Variants in MFAP2 observed in about 807,000 individuals in gnomAD.
The protein encoded by MFAP2 is microfibrillar-associated protein 2.
Under a neutral mutation model 30.6 loss-of-function variants are expected in MFAP2, and 23 were observed. The ratio of observed to expected loss-of-function variants is 0.75; its 90% confidence interval spans 0.54 to 1.07. The LOEUF (loss-of-function observed/expected upper bound fraction) is 1.07, where lower values mean the gene tolerates loss of function less well. MFAP2 is among the 50% of genes least tolerant of loss of function. The pLI, the probability that MFAP2 is intolerant of heterozygous loss-of-function variation, is 0.00. For synonymous variants in MFAP2, 73 were observed against 85.7 expected (o/e 0.85, Z 0.82); for missense variants, 198 against 223.8 (o/e 0.88, Z 0.74).
rs1028123815 is a variant in MFAP2, at chr1:16,976,084, G to A, written c.287-354C>T. On this transcript the variant is annotated intron_variant, in intron 6 of 8. Transcript: ENST00000375535. The surrounding 1 kb of genome is among the most constrained non-coding windows in gnomAD (Gnocchi z 5.5). ...CCAACCCACACGAGAGTGAGCACAC[G>A]GATTCTCCTGCACACACACACCTTG... is the stretch of plus-strand genomic sequence containing the variant. The A allele has an allele frequency of 2.0e-5, 9 of 458,858 alleles. No homozygotes were observed. Among genetic ancestry groups the A allele is most frequent in the Admixed American group, 3.7e-5 (1 of 27,062 alleles). 28.4% of individuals were successfully genotyped at this position (458,858 alleles called of 1,614,324 possible).
rs1250779693 is a variant in MFAP2 at position 16,975,496 on chromosome 1, G to T, written c.374+147C>A. The T allele has an allele frequency of 8.3e-7, 1 of 1,211,584 alleles. No homozygotes were observed. The highest frequency in any genetic ancestry group is 1.2e-6 in the Non-Finnish European group (1 of 835,294). 75.1% of individuals were successfully genotyped at this position (1,211,584 alleles called of 1,614,324 possible). A position where few individuals can be genotyped will look rare whatever the true frequency, so the allele number is the denominator to read the frequency against. ...GAGCCCAGGAGTGGAGGAGGTCCCTGGCCCAGGCTCAACCACAGAACTGAG... is the reference window on the plus strand; with the variant it reads ...GAGCCCAGGAGTGGAGGAGGTCCCTTGCCCAGGCTCAACCACAGAACTGAG... On this transcript the variant is annotated intron_variant, in intron 7 of 8. Transcript: ENST00000375535. The surrounding 1 kb of genome is among the most constrained non-coding windows in gnomAD (Gnocchi z 5.0).
At position 16,976,754 on chromosome 1, in the gene MFAP2, C is replaced by A; in HGVS notation, c.195G>T (p.Gln65His). ...PRPSEEQFQFQSQQQVQQEVI... is the reference protein window; with the variant it reads ...PRPSEEQFQFHSQQQVQQEVI... ...CTTCCTGTTGGACTTGCTGCTGGGA[C>A]TGGAACTGGAACTGTTCCTCGGAGG... Residue 65 changes from glutamine (Q) to histidine (H), a missense_variant, in exon 5 of 9, where the codon CAG (glutamine) becomes CAT (histidine). Coordinates refer to ENST00000375535, the MANE Select transcript of MFAP2 (RefSeq NM_002403.4). This position sits in a 1 kb window ranked among gnomAD's most constrained non-coding sequence, Gnocchi z 5.5. 1 of 1,613,920 alleles carries A rather than the reference C, an allele frequency of 6.2e-7. No homozygotes were observed. Among genetic ancestry groups the A allele is most frequent in the South Asian group, 1.1e-5 (1 of 91,074 alleles).
Position 16,974,748 on chromosome 1 carries a change from A to G in MFAP2, c.*172T>C. On this transcript the variant is annotated 3_prime_UTR_variant, in exon 9 of 9. Transcript: ENST00000375535. The stretch of plus-strand genomic sequence containing the variant: ...CCCCCATTGTGCCCCAGAGGTGGCC[A>G]CAGGCTGAAGGAGGGGCCTGAGGCA... The G allele has an allele frequency of 9.6e-6, 3 of 311,462 alleles. No individual in the cohort carries two copies. The highest frequency in any genetic ancestry group is 6.6e-5 in the South Asian group (2 of 30,368). The allele number at this position is 311,462 out of a possible 1,614,324, so 19.3% of individuals were successfully genotyped here.
upstream of MFAP2, chr1:16,980,684 C>G (rs1024694093): frequency 1.3e-5 from 2 of 152,156 alleles, no homozygotes; most frequent in Non-Finnish European, 2.9e-5. Flanking sequence ...GGGGCTGGCG[C>G]CCGCCCTCCA....
chr1:16,979,842 G>A (rs533787501), intron 1 of MFAP2, among the ~76,000 whole-genome samples: 1 of 152,316 alleles, frequency 6.6e-6, no homozygotes, highest in South Asian at 2.1e-4. Flanking sequence ...CGGGCTAGCG[G>A]GGAGGCAGGA....
Position 16,975,347 on chromosome 1 carries a change from G to C in MFAP2, c.375-5C>G. On this transcript the variant is annotated splice_polypyrimidine_tract_variant and splice_region_variant and intron_variant, in intron 7 of 8. Coordinates refer to ENST00000375535, the MANE Select transcript of MFAP2 (RefSeq NM_002403.4). The surrounding 1 kb of genome is among the most constrained non-coding windows in gnomAD (Gnocchi z 5.0). The stretch of plus-strand genomic sequence containing the variant: ...ATGACGTACACACGGCGGAGGCTGC[G>C]GGGACAGGGCACGGGAGGTCTCAGC... 6.2e-7 allele frequency: 1 copy of C among 1,613,518 alleles called. No individual in the cohort carries two copies. The highest frequency in any genetic ancestry group is 8.5e-7 in the Non-Finnish European group (1 of 1,179,688).
chr1:16,975,824 T>C lies in MFAP2; in HGVS notation c.287-94A>G, dbSNP rs1283643012. The C allele has an allele frequency of 4.7e-6, 5 of 1,057,798 alleles. No individual in the cohort carries two copies. In the African/African-American group the frequency reaches 4.8e-5, roughly 10 times the overall value. The allele number at this position is 1,057,798 out of a possible 1,614,324, so 65.5% of individuals were successfully genotyped here. A position where few individuals can be genotyped will look rare whatever the true frequency, so the allele number is the denominator to read the frequency against. On this transcript the variant is annotated intron_variant, in intron 6 of 8. Coordinates refer to ENST00000375535, the MANE Select transcript of MFAP2 (RefSeq NM_002403.4). The surrounding 1 kb of genome is among the most constrained non-coding windows in gnomAD (Gnocchi z 5.0). ...CTGGCTCACAGGGCCTAGTCCCCCC[T>C]GTACCTTCAGGCCCCGTGCAGACAC...
chr1:16,977,438 C>G (rs998642990), intron 2 of MFAP2: 3 of 523,422 alleles, frequency 5.7e-6, no homozygotes, highest in African/African-American at 5.7e-5. Context: ...CTGGCTGCTC[C>G]TAGGACTCCA....
Position 16,976,369 on chromosome 1 carries a change from G to T in MFAP2, c.286+132C>A. ...GGCCTGGTGATGCCAGCCTACGGCA[G>T]TCATACTGCCCACACTGCCAAGAGC... On this transcript the variant is annotated intron_variant, in intron 6 of 8. Transcript: ENST00000375535. This position sits in a 1 kb window ranked among gnomAD's most constrained non-coding sequence, Gnocchi z 5.5. 1 of 1,189,746 alleles carries T rather than the reference G, an allele frequency of 8.4e-7. No homozygotes were observed. The highest frequency in any genetic ancestry group is 1.2e-6 in the Non-Finnish European group (1 of 803,622). 73.7% of individuals were successfully genotyped at this position (1,189,746 alleles called of 1,614,324 possible). A position where few individuals can be genotyped will look rare whatever the true frequency, so the allele number is the denominator to read the frequency against.
Position 16,975,880 on chromosome 1 carries a change from G to A in MFAP2, c.287-150C>T, listed in dbSNP as rs951193969. 4.9e-5 allele frequency: 31 copies of A among 635,478 alleles called. No homozygotes were observed. The Admixed American group carries it at 5.6e-4, about 12-fold the overall frequency. The allele number at this position is 635,478 out of a possible 1,614,324, so 39.4% of individuals were successfully genotyped here. On this transcript the variant is annotated intron_variant, in intron 6 of 8. Coordinates refer to ENST00000375535, the MANE Select transcript of MFAP2 (RefSeq NM_002403.4). This position sits in a 1 kb window ranked among gnomAD's most constrained non-coding sequence, Gnocchi z 5.0. ...CCTACACATGCCCACATAGACCCAC[G>A]CAGCATTGTCAGACTTCCCAGGGCT...
At chr1:16,977,642 A>C in intron 2 of MFAP2, 1 of 175,838 alleles carries the variant, frequency 5.7e-6, no homozygotes, top group Admixed American at 5.7e-5. Context: ...CTTGTTTCCT[A>C]TTTGTCTCCC....
At chr1:16,978,088 T>A (rs2076607842) in intron 2 of MFAP2, 149 bp downstream of exon 2, 1 of 827,716 alleles carries the variant, frequency 1.2e-6, no homozygotes, top group Non-Finnish European at 1.9e-6. Context: ...TGGTCCAGTC[T>A]GTGGTCCAAG....
rs1271610374 is a variant in MFAP2, at chr1:16,975,195, GGTGGGTGGCTAGGT to G, written c.448+60_448+73del. The G allele has an allele frequency of 1.4e-6, 2 of 1,428,748 alleles. No individual in the cohort carries two copies. Among genetic ancestry groups the G allele is most frequent in the Admixed American group, 3.5e-5 (2 of 56,822 alleles). 88.5% of individuals were successfully genotyped at this position (1,428,748 alleles called of 1,614,324 possible). A position where few individuals can be genotyped will look rare whatever the true frequency, so the allele number is the denominator to read the frequency against. ...GATAATATGTGTTGAATAAACATCA[GGTGGGTGGCTAGGT>G]GGCCAGATAATGATGCGGGTGTGGG... On this transcript the variant is annotated intron_variant, in intron 8 of 8. Coordinates refer to ENST00000375535, the MANE Select transcript of MFAP2 (RefSeq NM_002403.4). This position sits in a 1 kb window ranked among gnomAD's most constrained non-coding sequence, Gnocchi z 5.0.
chr1:16,975,562 T>C lies in MFAP2; in HGVS notation c.374+81A>G. The C allele has an allele frequency of 6.9e-7, 1 of 1,450,942 alleles. No individual in the cohort carries two copies. Among genetic ancestry groups the C allele is most frequent in the East Asian group, 2.3e-5 (1 of 42,786 alleles). The allele number at this position is 1,450,942 out of a possible 1,614,324, so 89.9% of individuals were successfully genotyped here. On this transcript the variant is annotated intron_variant, in intron 7 of 8. Transcript: ENST00000375535. The surrounding 1 kb of genome is among the most constrained non-coding windows in gnomAD (Gnocchi z 5.0). ...CACTATCTTTCCTCCAACTCCCACC[T>C]TGGCGGGCCAGAGCTGTCCCCTGTG... is the stretch of plus-strand genomic sequence containing the variant.
In MFAP2 at chr1:16,975,399, T is replaced by TAGCCCAGACAGAACCTGGCACGGG; in HGVS notation, c.375-81_375-58dup. 1.3e-6 allele frequency: 2 copies of TAGCCCAGACAGAACCTGGCACGGG among 1,581,202 alleles called. No individual in the cohort carries two copies. Among genetic ancestry groups the TAGCCCAGACAGAACCTGGCACGGG allele is most frequent in the Non-Finnish European group, 1.7e-6 (2 of 1,156,032 alleles). The stretch of plus-strand genomic sequence containing the variant: ...CCACTTCCACCCAATCCCACTGGGA[T>TAGCCCAGACAGAACCTGGCACGGG]AGCCCAGACAGAACCTGGCACGGGA... On this transcript the variant is annotated intron_variant, in intron 7 of 8. Coordinates refer to ENST00000375535, the MANE Select transcript of MFAP2 (RefSeq NM_002403.4). This position sits in a 1 kb window ranked among gnomAD's most constrained non-coding sequence, Gnocchi z 5.0.
At chr1:16,978,361 ACAGCAGAGCTCACCTTTGATC>A in intron 1 of MFAP2, 47 bp from the exon 2 acceptor site, 1 of 1,452,544 alleles carries the variant, frequency 6.9e-7, no homozygotes, top group Non-Finnish European at 9.4e-7. Context: ...CACACCCAGG[ACAGCAGAGCTCACCTTTGATC>A]CCCTGATTTC....
intron 2 of MFAP2, 111 bp downstream of exon 2, chr1:16,978,126 G>A: frequency 8.1e-7 from 1 of 1,227,500 alleles, no homozygotes; most frequent in South Asian, 1.5e-5. Flanking sequence ...GAGCTGGGGA[G>A]CTGAGTTCTG....
In MFAP2 at chr1:16,977,252, C is replaced by T. The variant is rs146470513; in HGVS notation, c.38-54G>A. On this transcript the variant is annotated intron_variant, in intron 2 of 8. Transcript: ENST00000375535. ...CCCATCGGGAGGGGCAACGGGGGCC[C>T]GAGGCGCTTCTGGAGAGTGGAGGCG... 42 of 1,571,864 alleles carry T rather than the reference C, an allele frequency of 2.7e-5. 1 individual carries two copies. The South Asian group carries it at 3.3e-4, about 12-fold the overall frequency.
intron 3 of MFAP2, 23 bp downstream of exon 3, chr1:16,977,086 C>G (rs200848686): frequency 3.5e-4 from 565 of 1,613,700 alleles, no homozygotes; most frequent in Middle Eastern, 3.3e-4. Context: ...AGCCAGGCCT[C>G]GGTGACCCGG....
Sources: allele counts gnomAD v4.1 joint callset (sites outside exome capture counted in the v4.1 genomes callset), GRCh38; gene constraint gnomAD v4.1.1; non-coding constraint Gnocchi (gnomAD v3.1); transcripts MANE v1.5; gene names NCBI Gene and HGNC (gene_info 2026-07-23, HGNC 2026-07-21).